RIMBP2: variants seen among roughly 807,000 people sequenced by gnomAD.
RIMBP2 encodes the protein RIMS binding protein 2.
RIMBP2 carries 48 observed loss-of-function variants against 118.6 expected under a neutral mutation model. The ratio of observed to expected loss-of-function variants is 0.40; its 90% CI spans 0.32 to 0.51. The LOEUF (loss-of-function observed/expected upper bound fraction) is 0.51. Among genes scored for constraint, RIMBP2 ranks in the 20% least tolerant of loss-of-function variants. The pLI, the probability that RIMBP2 is intolerant of heterozygous loss-of-function variation, is 0.41. For synonymous variants in RIMBP2, 762 were observed against 742.9 expected, an observed-to-expected ratio of 1.03 and a Z score of -0.42; for missense variants, 1,551 against 1,768.3, an observed-to-expected ratio of 0.88 and a Z score of 2.20.
chr12:130,669,344 C>G (rs1335453179), intron 1 of RIMBP2: 1 of 152,236 alleles, frequency 6.6e-6, no homozygotes, highest in Non-Finnish European at 1.5e-5. Context: ...AGGGAAGACA[C>G]ATCAGATGAT....
chr12:130,434,597 GA>G lies in RIMBP2; in HGVS notation c.2253+136del. 5 of 865,696 alleles carry G rather than the reference GA, an allele frequency of 5.8e-6. No individual in the cohort carries two copies. Among genetic ancestry groups the G allele is most frequent in the Non-Finnish European group, 8.7e-6 (5 of 574,730 alleles). 53.6% of individuals were successfully genotyped at this position (865,696 alleles called of 1,614,324 possible). A position where few individuals can be genotyped will look rare whatever the true frequency, so the allele number is the denominator to read the frequency against. ...ACTTCAGAAACCTAGCACGACTTAG[GA>G]CCCCAGCTGGGCGTCTCCATCTCTC... On this transcript the variant is annotated intron_variant, in intron 14 of 22. Transcript: ENST00000690449. The surrounding 1 kb of genome is among the most constrained non-coding windows in gnomAD (Gnocchi z 5.7).
At chr12:130,473,914 A>G (rs1040639677) in intron 5 of RIMBP2, among the ~76,000 whole-genome samples, 1 of 147,452 alleles carries the variant, frequency 6.8e-6, no homozygotes, top group African/African-American at 2.4e-5. Flanking sequence ...ACGTTACATA[A>G]TAGCCTTAAG....
intron 2 of RIMBP2, among the ~76,000 whole-genome samples, chr12:130,588,155 C>T (rs958203730): frequency 1.6e-4 from 24 of 152,120 alleles, no homozygotes; most frequent in African/African-American, 5.6e-4. Context: ...TCTTCAAAAC[C>T]CAGCCCAAGT....
In RIMBP2 at chr12:130,420,658, C is replaced by A. The variant is rs147638757; in HGVS notation, c.3238+1795G>T. On this transcript the variant is annotated intron_variant, in intron 17 of 22. Coordinates refer to ENST00000690449, the MANE Select transcript of RIMBP2 (RefSeq NM_001393629.1). The surrounding 1 kb of genome is among the most constrained non-coding windows in gnomAD (Gnocchi z 4.3). ...AAGCAATACTGATCTAGGAAAATAG[C>A]AAACCAAAGCGGAGACAAAAAATAA... Among the ~76,000 whole-genome samples, 1 of 152,214 alleles carries A rather than the reference C, an allele frequency of 6.6e-6. No individual in the cohort carries two copies. Among genetic ancestry groups the A allele is most frequent in the East Asian group, 1.9e-4 (1 of 5,172 alleles).
In RIMBP2 at chr12:130,424,310, G is replaced by C. The variant is rs746727309; in HGVS notation, c.2961C>G (p.Asp987Glu). The C allele has an allele frequency of 2.3e-5, 28 of 1,231,536 alleles. No individual in the cohort carries two copies. In the East Asian group the frequency reaches 5.7e-4, roughly 25 times the overall value. 76.3% of individuals were successfully genotyped at this position (1,231,536 alleles called of 1,614,324 possible). The change falls in exon 16 of 23, where the codon GAC becomes GAG. Residue 987 changes from aspartate (D) to glutamate (E), a missense_variant. This residue lies in a region of RIMBP2 where 1,038 missense variants were observed against 1,125.1 expected (regional missense o/e 0.92). Coordinates refer to ENST00000690449, the MANE Select transcript of RIMBP2 (RefSeq NM_001393629.1). The surrounding 1 kb of genome is among the most constrained non-coding windows in gnomAD (Gnocchi z 9.8). ...GCCTCTCCGGGCCGGGCTGGGGGTC[G>C]TCGTTCCTGAGGAGGCCACCAGGGC... ...QVGPGGLLRNDDPQPGPERPP... is the reference protein window; with the variant it reads ...QVGPGGLLRNEDPQPGPERPP...
At chr12:130,606,323 C>G (rs1314498350) in intron 2 of RIMBP2, among the ~76,000 whole-genome samples, 1 of 152,190 alleles carries the variant, frequency 6.6e-6, no homozygotes, top group East Asian at 1.9e-4. Flanking sequence ...GGGATTACCC[C>G]CTCTCACTAT....
chr12:130,521,492 G>A (rs2052106385), intron 2 of RIMBP2, among the ~76,000 whole-genome samples: 2 of 152,212 alleles, frequency 1.3e-5, no homozygotes, highest in South Asian at 2.1e-4. Flanking sequence ...CAGCCTAGGG[G>A]GAGGCACCAG....
chr12:130,559,598 A>G (rs1315482200), intron 2 of RIMBP2, among the ~76,000 whole-genome samples: 1 of 152,146 alleles, frequency 6.6e-6, no homozygotes, highest in Non-Finnish European at 1.5e-5. Context: ...CACCTTGGCG[A>G]TGGGGAACCT....
chr12:130,671,558 C>T (rs1230331809), intron 1 of RIMBP2, among the ~76,000 whole-genome samples: 6 of 152,190 alleles, frequency 3.9e-5, no homozygotes, highest in Non-Finnish European at 8.8e-5. Context: ...CGAACCTCCC[C>T]ACCCCAAAGA....
intron 2 of RIMBP2, among the ~76,000 whole-genome samples, chr12:130,524,031 C>T (rs1004191902): frequency 6.6e-6 from 1 of 152,142 alleles, no homozygotes; most frequent in Non-Finnish European, 1.5e-5. Context: ...GGACAGGCCC[C>T]AGCAAGATGC....
chr12:130,418,474 C>G lies in RIMBP2; in HGVS notation c.3238+3979G>C, dbSNP rs1013339120. Among the ~76,000 whole-genome samples, 6 of 152,204 alleles carry G rather than the reference C, an allele frequency of 3.9e-5. No individual in the cohort carries two copies. In the South Asian group the frequency reaches 1.2e-3, roughly 31 times the overall value. ...CAGCTGTGGCTGCATGAGAAGGACG[C>G]CTGCTTTCCATTCTGCTGGAGATCT... On this transcript the variant is annotated intron_variant, in intron 17 of 22. Coordinates refer to ENST00000690449, the MANE Select transcript of RIMBP2 (RefSeq NM_001393629.1).
At chr12:130,464,149 C>A (rs1471949684) in intron 6 of RIMBP2, among the ~76,000 whole-genome samples, 1 of 152,170 alleles carries the variant, frequency 6.6e-6, no homozygotes, top group Non-Finnish European at 1.5e-5. Context: ...CACGAATAGC[C>A]CACACTGCTG....
At chr12:130,553,273 CA>C (rs1357393368) in intron 2 of RIMBP2, among the ~76,000 whole-genome samples, 2 of 152,086 alleles carry the variant, frequency 1.3e-5, no homozygotes, top group East Asian at 1.9e-4. Flanking sequence ...GCACTGGACA[CA>C]ATAACACATA....
intron 4 of RIMBP2, among the ~76,000 whole-genome samples, chr12:130,498,101 C>T (rs1378329334): frequency 6.6e-6 from 1 of 152,016 alleles, no homozygotes; most frequent in Non-Finnish European, 1.5e-5. Context: ...GCTGCTCGGT[C>T]ATTCTCCATG....
chr12:130,444,413 C>T (rs560142414), intron 10 of RIMBP2, among the ~76,000 whole-genome samples: 68 of 152,180 alleles, frequency 4.5e-4, no homozygotes, highest in African/African-American at 1.5e-3. Context: ...CATGAGGTCA[C>T]GAAAGAGAAA....
chr12:130,535,166 T>C (rs1397433691), intron 2 of RIMBP2, among the ~76,000 whole-genome samples: 1 of 151,918 alleles, frequency 6.6e-6, no homozygotes, highest in Non-Finnish European at 1.5e-5. Flanking sequence ...GCTGCTCTGT[T>C]CTCTGGGGCT....
chr12:130,413,821 G>A (rs2075915389), intron 18 of RIMBP2, among the ~76,000 whole-genome samples: 2 of 151,984 alleles, frequency 1.3e-5, no homozygotes, highest in Non-Finnish European at 2.9e-5. Flanking sequence ...ACTGACAAGT[G>A]TTGTTTTAAA....
At chr12:130,408,345 C>A (rs2075377558) in intron 19 of RIMBP2, among the ~76,000 whole-genome samples, 1 of 152,230 alleles carries the variant, frequency 6.6e-6, no homozygotes, top group Non-Finnish European at 1.5e-5. Context: ...CGAACATAAA[C>A]AGGGATGCCT....
At chr12:130,519,896 A>G (rs901664149) in intron 2 of RIMBP2, among the ~76,000 whole-genome samples, 12 of 152,318 alleles carry the variant, frequency 7.9e-5, no homozygotes, top group Admixed American at 7.2e-4. Context: ...TGAGGATTCA[A>G]GGACATCAAT....
Sources: gnomAD v4.1 joint callset for allele counts (sites outside exome capture counted in the v4.1 genomes callset) on GRCh38, gnomAD v4.1.1 for gene constraint, gnomAD v4.1.1 regional missense constraint, Gnocchi (gnomAD v3.1) non-coding constraint, MANE v1.5 for transcripts, NCBI Gene and HGNC (gene_info 2026-07-23, HGNC 2026-07-21) for gene names.